Variants in ADORA1 observed in about 807,000 individuals in gnomAD.
The protein encoded by ADORA1 is adenosine receptor A1.
In ADORA1, 6 loss-of-function variants were observed where a neutral mutation model predicts 19.9. That is an observed-to-expected ratio of 0.30 (90% confidence interval 0.17 to 0.59). ADORA1 has a LOEUF of 0.59. Among genes scored for constraint, ADORA1 ranks in the 20% least tolerant of loss-of-function variants. The pLI, the probability that ADORA1 is intolerant of heterozygous loss-of-function variation, is 0.87. For synonymous variants in ADORA1, 194 were observed against 188.4 expected (o/e 1.03, Z -0.24); for missense variants, 302 against 439.2 (o/e 0.69, Z 2.79).
intron 3 of ADORA1, among the ~76,000 whole-genome samples, chr1:203,143,355 C>T (rs10158980): frequency 0.24 from 37,112 of 152,080 alleles, 6,168 homozygotes; most frequent in African/African-American, 0.47. Flanking sequence ...CCTTATCTAA[C>T]CCTAATTACC....
At chr1:203,144,540 G>A (rs1467210758) in intron 3 of ADORA1, among the ~76,000 whole-genome samples, 1 of 152,154 alleles carries the variant, frequency 6.6e-6, no homozygotes. Flanking sequence ...GGGAGCCGAG[G>A]CTCAGAGAAA....
Position 203,151,784 on chromosome 1 carries a change from G to GCATTCATTCATTCATT in ADORA1, c.342-13474_342-13473insTCATTCATTCATTCAT, listed in dbSNP as rs1392623430. On this transcript the variant is annotated intron_variant, in intron 3 of 3. Coordinates refer to ENST00000337894, the MANE Select transcript of ADORA1 (RefSeq NM_000674.3). ...TTACCCCACAGCACACTTCATGCATGCATGCATTCATTCATTCATTCATTC... is the reference window on the plus strand; with the variant it reads ...TTACCCCACAGCACACTTCATGCATGCATTCATTCATTCATTCATGCATTCATTCATTCATTCATTC... Among the ~76,000 whole-genome samples the GCATTCATTCATTCATT allele has an allele frequency of 6.2e-5, 5 of 81,274 alleles. No homozygotes were observed. In the Admixed American group the frequency reaches 7.0e-4, roughly 11 times the overall value. The allele number at this position is 81,274 out of a possible 152,430, so 53.3% of individuals were successfully genotyped here. A position where few individuals can be genotyped will look rare whatever the true frequency, so the allele number is the denominator to read the frequency against.
chr1:203,146,012 G>C (rs1303558951), intron 3 of ADORA1, among the ~76,000 whole-genome samples: 2 of 152,192 alleles, frequency 1.3e-5, no homozygotes, highest in African/African-American at 4.8e-5. Context: ...CGGGGCATCT[G>C]CCTCTGAAAT....
intron 3 of ADORA1, among the ~76,000 whole-genome samples, chr1:203,147,619 T>C (rs981796717): frequency 2.6e-5 from 4 of 152,186 alleles, no homozygotes; most frequent in Admixed American, 6.5e-5. Context: ...CCAGCCCAGA[T>C]TGTCTGACTC....
intron 3 of ADORA1, among the ~76,000 whole-genome samples, chr1:203,133,392 G>T (rs913738940): frequency 6.6e-6 from 1 of 152,154 alleles, no homozygotes; most frequent in African/African-American, 2.4e-5. Flanking sequence ...TGGGATTACA[G>T]GCGTGAGCCA....
At chr1:203,162,824 T>G (rs1309848384) in intron 3 of ADORA1, among the ~76,000 whole-genome samples, 1 of 152,078 alleles carries the variant, frequency 6.6e-6, no homozygotes, top group Non-Finnish European at 1.5e-5. Flanking sequence ...GAGAAAGGGA[T>G]TTGTAAATGA....
chr1:203,145,845 G>T (rs1217946167), intron 3 of ADORA1, among the ~76,000 whole-genome samples: 1 of 152,180 alleles, frequency 6.6e-6, no homozygotes, highest in Non-Finnish European at 1.5e-5. Flanking sequence ...TTGCGGTTGG[G>T]GTGGACAGTG....
chr1:203,161,338 C>T (rs1416377519), intron 3 of ADORA1, among the ~76,000 whole-genome samples: 1 of 152,198 alleles, frequency 6.6e-6, no homozygotes, highest in East Asian at 1.9e-4. Flanking sequence ...GGCGTGGTGG[C>T]TCATACCTGT....
At chr1:203,132,317 G>A (rs540334704) in intron 3 of ADORA1, among the ~76,000 whole-genome samples, 1 of 152,176 alleles carries the variant, frequency 6.6e-6, no homozygotes, top group African/African-American at 2.4e-5. Context: ...CCGAGGGCTA[G>A]TTGTAGGGAA....
intron 3 of ADORA1, among the ~76,000 whole-genome samples, chr1:203,153,554 A>G (rs1655103429): frequency 6.6e-6 from 1 of 152,074 alleles, no homozygotes; most frequent in African/African-American, 2.4e-5. Flanking sequence ...TCCTCCCTGT[A>G]GCCCTGCAGA....
At chr1:203,150,215 G>C (rs1654987683) in intron 3 of ADORA1, among the ~76,000 whole-genome samples, 1 of 152,194 alleles carries the variant, frequency 6.6e-6, no homozygotes, top group Non-Finnish European at 1.5e-5. Flanking sequence ...GGGTGAGCCT[G>C]GGTGCTCCCC....
At chr1:203,131,305 C>T (rs1233115403) in intron 3 of ADORA1, among the ~76,000 whole-genome samples, 2 of 152,184 alleles carry the variant, frequency 1.3e-5, no homozygotes, top group Admixed American at 1.3e-4. Flanking sequence ...CAGGAGGTGT[C>T]TAAGTACTGT....
intron 3 of ADORA1, among the ~76,000 whole-genome samples, chr1:203,163,720 C>T (rs1655443983): frequency 1.3e-5 from 2 of 152,142 alleles, no homozygotes; most frequent in Admixed American, 6.5e-5. Flanking sequence ...AAATTGTCTC[C>T]CTTCCTACCC....
intron 3 of ADORA1, chr1:203,145,207 T>C (rs1370491775): frequency 6.6e-6 from 1 of 152,256 alleles, no homozygotes; most frequent in Non-Finnish European, 1.5e-5. Flanking sequence ...TCTCCACAAC[T>C]CCAAGGCCTA....
chr1:203,146,932 G>A (rs920171776), intron 3 of ADORA1, among the ~76,000 whole-genome samples: 4 of 152,230 alleles, frequency 2.6e-5, no homozygotes, highest in Non-Finnish European at 5.9e-5. Flanking sequence ...TGGAGAAGCA[G>A]CCCAGTAGGC....
At chr1:203,132,240 G>A (rs1654366272) in intron 3 of ADORA1, among the ~76,000 whole-genome samples, 1 of 152,044 alleles carries the variant, frequency 6.6e-6, no homozygotes, top group African/African-American at 2.4e-5. Flanking sequence ...TGGTTCTAGG[G>A]AATCTCTATT....
At chr1:203,155,198 C>T (rs562698411) in intron 3 of ADORA1, among the ~76,000 whole-genome samples, 1 of 152,236 alleles carries the variant, frequency 6.6e-6, no homozygotes, top group African/African-American at 2.4e-5. Flanking sequence ...CCCGCCATCA[C>T]ACCCAGCCAG....
Position 203,166,278 on chromosome 1 carries a change from C to T in ADORA1, c.*378C>T, listed in dbSNP as rs199536094. 12 of 188,258 alleles carry T rather than the reference C, an allele frequency of 6.4e-5. No homozygotes were observed. Among genetic ancestry groups the T allele is most frequent in the South Asian group, 1.9e-4 (1 of 5,268 alleles). The allele number at this position is 188,258 out of a possible 1,614,324, so 11.7% of individuals were successfully genotyped here. Reference sequence around the variant, plus strand: ...CTGGGAGAAGGTGCTTGGGCTTCTGCGGTGAGGCAGGGGAGTCTGCTTGTC... The same window carrying T: ...CTGGGAGAAGGTGCTTGGGCTTCTGTGGTGAGGCAGGGGAGTCTGCTTGTC... On this transcript the variant is annotated 3_prime_UTR_variant, in exon 4 of 4. Transcript: ENST00000337894.
chr1:203,162,517 A>G (rs1190235377), intron 3 of ADORA1, among the ~76,000 whole-genome samples: 1 of 151,928 alleles, frequency 6.6e-6, no homozygotes, highest in Non-Finnish European at 1.5e-5. Context: ...AGATCCCCCA[A>G]TCCATAGGCT....
Sources: gnomAD v4.1 joint callset for allele counts (sites outside exome capture counted in the v4.1 genomes callset) on GRCh38, gnomAD v4.1.1 for gene constraint, MANE v1.5 for transcripts, NCBI Gene and HGNC (gene_info 2026-07-23, HGNC 2026-07-21) for gene names.